The following BNIP3 variants were observed in gnomAD, a reference collection of about 807,000 sequenced individuals.
BNIP3 encodes the protein BCL2 interacting protein 3.
BNIP3 carries 16 observed loss-of-function variants against 23.9 expected under a neutral mutation model. The observed-to-expected ratio is 0.67, with a 90% CI of 0.45 to 1.01. The LOEUF (loss-of-function observed/expected upper bound fraction) is 1.01. Ranked by LOEUF, BNIP3 falls within the 50% of genes least tolerant of loss-of-function variation. The probability of loss-of-function intolerance (pLI) is 0.00; values close to 1 mark genes in which losing one functional copy is unlikely to be tolerated. For synonymous variants in BNIP3, 81 were observed against 89.3 expected (o/e 0.91, Z 0.53); for missense variants, 198 against 248.7 (o/e 0.80, Z 1.37).
rs1186934658 is a variant in BNIP3, at chr10:131,973,138, T to A, written c.198-20A>T. ...GGTGGGCTTGGCGATGTGAATAGAA[T>A]GGGAAAAACAGAACATCATGTGAAC... On this transcript the variant is annotated intron_variant, in intron 2 of 5. Transcript: ENST00000368636. 1.2e-6 allele frequency: 2 copies of A among 1,608,976 alleles called. No homozygotes were observed. The highest frequency in any genetic ancestry group is 8.5e-7 in the Non-Finnish European group (1 of 1,175,742).
Position 131,975,527 on chromosome 10 carries a change from A to AT in BNIP3, c.47-1585dup, listed in dbSNP as rs45532336. 9.0e-3 allele frequency among the ~76,000 whole-genome samples: 1,375 copies of AT among 152,284 alleles called. 19 individuals carry two copies. The highest frequency in any genetic ancestry group is 0.03 in the African/African-American group (1,227 of 41,552). On this transcript the variant is annotated intron_variant, in intron 1 of 5. Coordinates refer to ENST00000368636, the MANE Select transcript of BNIP3 (RefSeq NM_004052.4). ...CTGTCCTTAAACCAACACAGCACTA[A>AT]TAACACCATGCAATTAGGGGGAAAG... is the stretch of plus-strand genomic sequence containing the variant.
chr10:131,973,283 C>T, intron 2 of BNIP3, 165 bp from the exon 3 acceptor site: 3 of 663,398 alleles, frequency 4.5e-6, no homozygotes, highest in Non-Finnish European at 7.7e-6. Flanking sequence ...CAAACTCTTC[C>T]TCAGCCCTTT....
Position 131,968,834 on chromosome 10 carries a change from G to C in BNIP3, c.540-265C>G, listed in dbSNP as rs2036994875. ...CCAAACCGAATGCTGTTTCCACACA[G>C]AAAGCTTCTGCTTTGTTCCAACTCA... On this transcript the variant is annotated intron_variant, in intron 5 of 5. Transcript: ENST00000368636. 1.2e-5 allele frequency: 4 copies of C among 342,210 alleles called. No individual in the cohort carries two copies. In the Admixed American group the frequency reaches 1.2e-4, roughly 10 times the overall value. The allele number at this position is 342,210 out of a possible 1,614,324, so 21.2% of individuals were successfully genotyped here.
chr10:131,975,678 A>G (rs562766847), intron 1 of BNIP3, among the ~76,000 whole-genome samples: 4 of 152,296 alleles, frequency 2.6e-5, no homozygotes, highest in East Asian at 1.9e-4. Context: ...TGCAGAGTCT[A>G]TTTCATATTA....
intron 1 of BNIP3, 27 bp from the exon 2 acceptor site, chr10:131,973,970 G>A: frequency 5.6e-6 from 9 of 1,612,794 alleles, no homozygotes; most frequent in Non-Finnish European, 7.6e-6. Flanking sequence ...AAGGGGCGCA[G>A]ATGGAATTCT....
rs2037017439 is a variant in BNIP3 at position 131,970,384 on chromosome 10, C to T, written c.539+254G>A. 2 of 553,008 alleles carry T rather than the reference C, an allele frequency of 3.6e-6. No homozygotes were observed. The highest frequency in any genetic ancestry group is 6.4e-6 in the Non-Finnish European group (2 of 312,510). The allele number at this position is 553,008 out of a possible 1,614,324, so 34.3% of individuals were successfully genotyped here. On this transcript the variant is annotated intron_variant, in intron 5 of 5. Transcript: ENST00000368636. The surrounding 1 kb of genome is among the most constrained non-coding windows in gnomAD (Gnocchi z 4.1). Reference sequence around the variant, plus strand: ...GACCTAAGAAGCCCTGCTTTGACTCCGTTTATATTCAGTGAGCAACAGGCA... The same window carrying T: ...GACCTAAGAAGCCCTGCTTTGACTCTGTTTATATTCAGTGAGCAACAGGCA...
intron 3 of BNIP3, chr10:131,971,595 T>C (rs2037034261): frequency 6.6e-6 from 1 of 152,410 alleles, no homozygotes; most frequent in African/African-American, 2.4e-5. Context: ...AACATCTAAT[T>C]CCTTTTAAAA....
chr10:131,973,918 G>A lies in BNIP3; in HGVS notation c.72C>T (p.Ser24=). 6.2e-7 allele frequency: 1 copy of A among 1,613,848 alleles called. No individual in the cohort carries two copies. Among genetic ancestry groups the A allele is most frequent in the Non-Finnish European group, 8.5e-7 (1 of 1,180,020 alleles). Residue 24 remains serine (S), a synonymous_variant, in exon 2 of 6, where the codon AGC becomes AGT. Transcript: ENST00000368636. Reference sequence around the variant, plus strand: ...GAACGCTGCCCCCGTTCCCATTATTGCTGAAGTGCAGTTCTACCCAGGAGC... The same window carrying A: ...GAACGCTGCCCCCGTTCCCATTATTACTGAAGTGCAGTTCTACCCAGGAGC... The part of the protein sequence containing the change: ...LQGSWVELHF[S]NNGNGGSVPA...
rs1048738348 is a variant in BNIP3 at position 131,976,583 on chromosome 10, C to T, written c.47-2640G>A. On this transcript the variant is annotated intron_variant, in intron 1 of 5. Transcript: ENST00000368636. The surrounding 1 kb of genome is among the most constrained non-coding windows in gnomAD (Gnocchi z 4.3). ...CAGACAAATGGAAATGACATACAGC[C>T]CAGATCCCCACCTACCCCACACGTC... Among the ~76,000 whole-genome samples, 1 of 152,114 alleles carries T rather than the reference C, an allele frequency of 6.6e-6. No individual in the cohort carries two copies. Among genetic ancestry groups the T allele is most frequent in the Non-Finnish European group, 1.5e-5 (1 of 68,018 alleles).
At chr10:131,973,173 T>C (rs2037053310) in intron 2 of BNIP3, 55 bp from the exon 3 acceptor site, 2 of 1,573,028 alleles carry the variant, frequency 1.3e-6, no homozygotes, top group Non-Finnish European at 1.7e-6. Context: ...CATTCTATCA[T>C]TAGAAGCTCA....
In BNIP3 at chr10:131,973,089, G is replaced by A; in HGVS notation, c.227C>T (p.Thr76Ile). 1.2e-6 allele frequency: 2 copies of A among 1,613,758 alleles called. No individual in the cohort carries two copies. Among genetic ancestry groups the A allele is most frequent in the South Asian group, 1.1e-5 (1 of 91,080 alleles). The change falls in exon 3 of 6, where the codon ACC becomes ATC. Residue 76 changes from threonine (T) to isoleucine (I), a missense_variant. Physicochemically the swap from Thr to Ile is moderately conservative, Grantham distance 89. Coordinates refer to ENST00000368636, the MANE Select transcript of BNIP3 (RefSeq NM_004052.4). The part of the protein sequence containing the change: ...SPPRSQTPQD[T>I]NRASETDTHS... The stretch of plus-strand genomic sequence containing the variant: ...GGTATCTGTTTCAGAAGCTCTGTTG[G>A]TATCTTGTGGTGTCTGCGAGCGAGG...
At chr10:131,973,605 GT>G in intron 2 of BNIP3, 187 bp downstream of exon 2, 1 of 706,248 alleles carries the variant, frequency 1.4e-6, no homozygotes, top group Non-Finnish European at 2.3e-6. Context: ...TAAGTCCCAG[GT>G]CACTGCATCC....
At chr10:131,974,175 GTATC>G (rs1393960713) in intron 1 of BNIP3, among the ~76,000 whole-genome samples, 1 of 152,242 alleles carries the variant, frequency 6.6e-6, no homozygotes, top group Non-Finnish European at 1.5e-5. Context: ...CTGAGACCAT[GTATC>G]TGTCCAGCTC....
intron 1 of BNIP3, among the ~76,000 whole-genome samples, chr10:131,974,170 AC>A (rs1302037984): frequency 6.6e-6 from 1 of 152,222 alleles, no homozygotes; most frequent in African/African-American, 2.4e-5. Context: ...TGGGGCTGAG[AC>A]CATGTATCTG....
At chr10:131,973,608 A>G in intron 2 of BNIP3, 185 bp downstream of exon 2, 1 of 717,376 alleles carries the variant, frequency 1.4e-6, no homozygotes, top group South Asian at 2.1e-5. Context: ...GTCCCAGGTC[A>G]CTGCATCCCC....
intron 1 of BNIP3, among the ~76,000 whole-genome samples, chr10:131,980,079 T>C (rs1220156033): frequency 6.6e-6 from 1 of 152,204 alleles, no homozygotes; most frequent in East Asian, 1.9e-4. Flanking sequence ...ACCCCGCGGG[T>C]AACTATCTTT....
At chr10:131,979,373 A>C (rs1044252146) in intron 1 of BNIP3, among the ~76,000 whole-genome samples, 1 of 152,210 alleles carries the variant, frequency 6.6e-6, no homozygotes, top group Non-Finnish European at 1.5e-5. Flanking sequence ...CAAGAGAGAG[A>C]ACCATCTGCC....
At chr10:131,981,353 G>A in intron 1 of BNIP3, 1 of 259,306 alleles carries the variant, frequency 3.9e-6, no homozygotes, top group East Asian at 6.8e-5. Context: ...GCCACGCCTT[G>A]GTGTTTGGTC....
At chr10:131,981,614 G>A in intron 1 of BNIP3, 147 bp downstream of exon 1, 1 of 1,017,786 alleles carries the variant, frequency 9.8e-7, no homozygotes, top group South Asian at 2.6e-5. Context: ...CAGGAGGGGT[G>A]GGTACGGAAG....
Sources: gnomAD v4.1 joint callset for allele counts (sites outside exome capture counted in the v4.1 genomes callset) on GRCh38, gnomAD v4.1.1 for gene constraint, Gnocchi (gnomAD v3.1) non-coding constraint, MANE v1.5 for transcripts, NCBI Gene and HGNC (gene_info 2026-07-23, HGNC 2026-07-21) for gene names.